Variants in SRP19 observed in about 807,000 individuals in gnomAD.
SRP19 encodes signal recognition particle 19 kDa protein.
SRP19 carries 11 observed loss-of-function variants against 22.4 expected under a neutral mutation model. The observed-to-expected ratio is 0.49, with a 90% CI of 0.31 to 0.81. SRP19 has a LOEUF of 0.81. SRP19 is among the 40% of genes least tolerant of loss of function. The pLI, the probability that SRP19 is intolerant of heterozygous loss-of-function variation, is 0.05. For missense variants in SRP19, 168 were observed against 175.9 expected, an observed-to-expected ratio of 0.96 and a Z score of 0.25; for synonymous variants, 61 against 57.6, an observed-to-expected ratio of 1.06 and a Z score of -0.27.
chr5:112,867,336 A>T, intron 4 of SRP19, 68 bp from the exon 5 acceptor site: 2 of 1,541,156 alleles, frequency 1.3e-6, no homozygotes, highest in Non-Finnish European at 1.8e-6. Context: ...ACTTTGTGAT[A>T]TTCAATTTGA....
chr5:112,892,282 G>C (rs1768492185), exon 5 of SRP19: 1 of 1,613,966 alleles, frequency 6.2e-7, no homozygotes, highest in Admixed American at 1.7e-5. Flanking sequence ...TACAACGTTT[G>C]GAATGGAGCA....
downstream of SRP19, chr5:112,897,511 C>T (rs965414367): frequency 6.6e-6 from 1 of 152,084 alleles, no homozygotes; most frequent in Non-Finnish European, 1.5e-5. Flanking sequence ...AAGGAATGAG[C>T]ATATGTAAAT....
In SRP19 at chr5:112,864,610, G is replaced by C. The variant is rs368060006; in HGVS notation, c.190-11G>C. ...TTAAGTCCTGTTTTTCTTTTGTTTC[G>C]TTTATGTTAGAAAAATAAAATGTAC... On this transcript the variant is annotated splice_polypyrimidine_tract_variant and intron_variant, in intron 3 of 4. Coordinates refer to ENST00000505459, the MANE Select transcript of SRP19 (RefSeq NM_003135.3). 6.2e-7 allele frequency: 1 copy of C among 1,612,708 alleles called. No individual in the cohort carries two copies. Among genetic ancestry groups the C allele is most frequent in the South Asian group, 1.1e-5 (1 of 90,996 alleles).
In SRP19 at chr5:112,867,908, CTT is replaced by C. The variant is rs1767660903; in HGVS notation, c.*374_*375del. On this transcript the variant is annotated 3_prime_UTR_variant, in exon 5 of 5. Coordinates refer to ENST00000505459, the MANE Select transcript of SRP19 (RefSeq NM_003135.3). The stretch of plus-strand genomic sequence containing the variant: ...TTAATGAAATAAAATTTGAAACTGA[CTT>C]TTGCAGCTTTTGCTTATATACTAAT... The C allele has an allele frequency of 1.0e-6, 1 of 988,936 alleles. No individual in the cohort carries two copies. Among genetic ancestry groups the C allele is most frequent in the African/African-American group, 1.7e-5 (1 of 57,270 alleles). The allele number at this position is 988,936 out of a possible 1,614,324, so 61.3% of individuals were successfully genotyped here. A position where few individuals can be genotyped will look rare whatever the true frequency, so the allele number is the denominator to read the frequency against.
intron 4 of SRP19, among the ~76,000 whole-genome samples, chr5:112,875,098 A>G (rs2150030493): frequency 6.6e-6 from 1 of 152,300 alleles, no homozygotes; most frequent in Non-Finnish European, 1.5e-5. Context: ...TTTGGGAAGC[A>G]TCGATCTAAC....
At chr5:112,888,594 T>TTA (rs1554093181) in intron 4 of SRP19, among the ~76,000 whole-genome samples, 1 of 144,844 alleles carries the variant, frequency 6.9e-6, no homozygotes, top group Non-Finnish European at 1.5e-5. Flanking sequence ...TGGCTAATTT[T>TTA]TTATAACTTT....
At chr5:112,891,797 A>G in exon 5 of SRP19, 3 of 1,608,026 alleles carry the variant, frequency 1.9e-6, no homozygotes, top group Non-Finnish European at 2.6e-6. Flanking sequence ...CAGGAGGAGG[A>G]AGAGGACACT....
chr5:112,883,510 G>A (rs1768139554), intron 4 of SRP19, among the ~76,000 whole-genome samples: 1 of 152,170 alleles, frequency 6.6e-6, no homozygotes, highest in South Asian at 2.1e-4. Flanking sequence ...TGCTTTGCTA[G>A]TTGCTTCTCA....
exon 5 of SRP19, chr5:112,892,006 G>A (rs1156244331): frequency 1.6e-6 from 2 of 1,288,844 alleles, no homozygotes; most frequent in Non-Finnish European, 2.3e-6. Context: ...GCAGAGGAAA[G>A]AGAGAGAAGA....
chr5:112,861,400 C>A lies in SRP19; in HGVS notation c.24C>A (p.Ser8=), dbSNP rs781346931. 1.2e-5 allele frequency: 20 copies of A among 1,613,988 alleles called. No individual in the cohort carries two copies. Among genetic ancestry groups the A allele is most frequent in the Non-Finnish European group, 1.6e-5 (19 of 1,180,044 alleles). MACAAAR[S]PADQDRFICI... is the part of the protein sequence containing the mutation. The stretch of plus-strand genomic sequence containing the variant: ...AGATGGCTTGCGCTGCCGCGCGGTC[C>A]CCGGCCGACCAGGACAGGTGGGTTC... The change falls in exon 1 of 5, where the codon TCC becomes TCA. Residue 8 remains serine (S), a synonymous_variant. Coordinates refer to ENST00000505459, the MANE Select transcript of SRP19 (RefSeq NM_003135.3).
chr5:112,874,683 C>G (rs1215008776), downstream of SRP19, among the ~76,000 whole-genome samples: 2 of 152,130 alleles, frequency 1.3e-5, no homozygotes, highest in African/African-American at 4.8e-5. Flanking sequence ...CAGCCCCACC[C>G]CAGACTTCCT....
intron 4 of SRP19, chr5:112,886,956 T>G: frequency 2.3e-6 from 3 of 1,301,090 alleles, no homozygotes. Context: ...GCCTGTTATT[T>G]GAGCCCAGTG....
intron 4 of SRP19, among the ~76,000 whole-genome samples, chr5:112,879,017 C>T (rs138456295): frequency 1.6e-4 from 24 of 151,852 alleles, no homozygotes; most frequent in African/African-American, 5.3e-4. Context: ...GGAGAAGGTA[C>T]CTCTTAGAGC....
In SRP19 at chr5:112,867,619, G is replaced by A; in HGVS notation, c.*82G>A. ...TAATTTGTATCGGAGGGAAACAGAA[G>A]CTTTTTGTTTGCATCATTTAACTGA... On this transcript the variant is annotated 3_prime_UTR_variant, in exon 5 of 5. Transcript: ENST00000505459. The A allele has an allele frequency of 2.1e-6, 3 of 1,413,766 alleles. No individual in the cohort carries two copies. Among genetic ancestry groups the A allele is most frequent in the Non-Finnish European group, 2.8e-6 (3 of 1,078,750 alleles). 87.6% of individuals were successfully genotyped at this position (1,413,766 alleles called of 1,614,324 possible).
At chr5:112,890,690 C>T (rs1156800852) in intron 4 of SRP19, among the ~76,000 whole-genome samples, 1 of 150,276 alleles carries the variant, frequency 6.7e-6, no homozygotes, top group Non-Finnish European at 1.5e-5. Context: ...AAATCTCACT[C>T]TAAAGATATA....
intron 4 of SRP19, chr5:112,876,905 A>ACTT (rs1767911400): frequency 6.6e-6 from 1 of 152,164 alleles, no homozygotes; most frequent in African/African-American, 2.4e-5. Context: ...AGCAATAGTA[A>ACTT]CTTTTGTACC....
At chr5:112,892,356 A>G in exon 5 of SRP19, 2 of 1,614,116 alleles carry the variant, frequency 1.2e-6, no homozygotes, top group South Asian at 1.1e-5. Context: ...AAACCTACCA[A>G]CAGTTCCTAG....
chr5:112,869,304 G>A lies in SRP19; in HGVS notation c.*1767G>A, dbSNP rs1236639231. On this transcript the variant is annotated 3_prime_UTR_variant, in exon 5 of 5. Coordinates refer to ENST00000505459, the MANE Select transcript of SRP19 (RefSeq NM_003135.3). ...TGCAAGGCAGGAAGAAAAGGTAGCT[G>A]TGCCAGCCACTTCTGGCAAGCAGTT... 6.6e-6 allele frequency: 1 copy of A among 152,182 alleles called. No individual in the cohort carries two copies. Among genetic ancestry groups the A allele is most frequent in the Non-Finnish European group, 1.5e-5 (1 of 68,040 alleles). 9.4% of individuals were successfully genotyped at this position (152,182 alleles called of 1,614,324 possible).
At chr5:112,874,734 C>G (rs368356095), downstream of SRP19, among the ~76,000 whole-genome samples, 5 of 151,984 alleles carry the variant, frequency 3.3e-5, no homozygotes, top group South Asian at 2.1e-4. Flanking sequence ...TTTAACAACA[C>G]TCCTCTCCAT....
Sources: gnomAD v4.1 joint callset for allele counts (sites outside exome capture counted in the v4.1 genomes callset) on GRCh38, gnomAD v4.1.1 for gene constraint, MANE v1.5 for transcripts, NCBI Gene and HGNC (gene_info 2026-07-23, HGNC 2026-07-21) for gene names.